The following LAMA3 variants were observed in gnomAD, a reference collection of about 807,000 sequenced individuals.
The protein encoded by LAMA3 is laminin subunit alpha 3, also known as laminin subunit alpha-3.
Under a neutral mutation model 402.0 loss-of-function variants are expected in LAMA3, and 281 were observed. The ratio of observed to expected loss-of-function variants is 0.70; its 90% confidence interval spans 0.63 to 0.77. The LOEUF (loss-of-function observed/expected upper bound fraction) is 0.77, where lower values mean the gene tolerates loss of function less well. Among genes scored for constraint, LAMA3 ranks in the 30% least tolerant of loss-of-function variants. The pLI is 0.00. For missense variants in LAMA3, 3,840 were observed against 4,215.5 expected, an observed-to-expected ratio of 0.91 and a Z score of 2.47; for synonymous variants, 1,431 against 1,558.4, an observed-to-expected ratio of 0.92 and a Z score of 1.93.
chr18:23,825,164 C>A (rs1201474576), intron 21 of LAMA3, among the ~76,000 whole-genome samples: 2 of 152,188 alleles, frequency 1.3e-5, no homozygotes, highest in Non-Finnish European at 2.9e-5. Flanking sequence ...TTATTCCCAC[C>A]AAACAGATTG....
chr18:23,872,536 G>A (rs964208488), intron 38 of LAMA3, among the ~76,000 whole-genome samples: 27 of 152,004 alleles, frequency 1.8e-4, no homozygotes, highest in Non-Finnish European at 5.9e-5. Context: ...CCTGGTAGCC[G>A]AAAACCCCAA....
chr18:23,763,547 T>G, intron 8 of LAMA3, 24 bp downstream of exon 8: 1 of 1,328,782 alleles, frequency 7.5e-7, no homozygotes, highest in East Asian at 2.3e-5. Context: ...TAAATCAAAG[T>G]GGATGTGTTG....
chr18:23,713,135 A>G (rs1484235505), intron 1 of LAMA3, among the ~76,000 whole-genome samples: 1 of 152,210 alleles, frequency 6.6e-6, no homozygotes, highest in Non-Finnish European at 1.5e-5. Context: ...ACCACAGGTA[A>G]AAATGGATCC....
chr18:23,709,688 A>C, intron 1 of LAMA3: 1 of 408,178 alleles, frequency 2.4e-6, no homozygotes, highest in South Asian at 2.1e-5. Context: ...TACTCATGGG[A>C]AGGAAAGAGC....
chr18:23,785,606 A>G lies in LAMA3; in HGVS notation c.1603+1449A>G, dbSNP rs2062528310. 1.3e-5 allele frequency among the ~76,000 whole-genome samples: 2 copies of G among 152,150 alleles called. 1 individual carries two copies. Among genetic ancestry groups the G allele is most frequent in the South Asian group, 4.1e-4 (2 of 4,828 alleles). On this transcript the variant is annotated intron_variant, in intron 12 of 74. Coordinates refer to ENST00000313654, the MANE Select transcript of LAMA3 (RefSeq NM_198129.4). ...ACTTGCACCTTTCTTCTCCTGACCT[A>G]TACTTCCCTCTGCATCATTTTAAGA...
At chr18:23,865,567 G>A (rs2064335851) in intron 36 of LAMA3, among the ~76,000 whole-genome samples, 1 of 152,214 alleles carries the variant, frequency 6.6e-6, no homozygotes, top group Non-Finnish European at 1.5e-5. Context: ...AAAAGGAGGG[G>A]AGATTAGAGA....
At chr18:23,939,587 C>T (rs990577289) in intron 68 of LAMA3, among the ~76,000 whole-genome samples, 3 of 152,224 alleles carry the variant, frequency 2.0e-5, no homozygotes, top group Admixed American at 6.5e-5. Flanking sequence ...TGGAGGCAAA[C>T]GTGACGACAG....
intron 48 of LAMA3, among the ~76,000 whole-genome samples, chr18:23,902,413 A>G (rs2081103284): frequency 6.6e-6 from 1 of 152,190 alleles, no homozygotes; most frequent in Non-Finnish European, 1.5e-5. Context: ...ATTGAATAAC[A>G]CAGGGCAGAC....
At chr18:23,691,772 A>G (rs1031434275) in intron 1 of LAMA3, among the ~76,000 whole-genome samples, 8 of 152,210 alleles carry the variant, frequency 5.3e-5, no homozygotes, top group African/African-American at 1.9e-4. Context: ...AGGTTTTGCC[A>G]TGTTGGCCAG....
chr18:23,704,948 C>T (rs1568095056), intron 1 of LAMA3, among the ~76,000 whole-genome samples: 1 of 152,154 alleles, frequency 6.6e-6, no homozygotes, highest in Non-Finnish European at 1.5e-5. Flanking sequence ...CTGTGGGCTT[C>T]TGGTTTATTC....
At chr18:23,698,202 C>CTTTTTTTTTTTT (rs755879182) in intron 1 of LAMA3, among the ~76,000 whole-genome samples, 2 of 108,858 alleles carry the variant, frequency 1.8e-5, no homozygotes, top group African/African-American at 3.6e-5. Flanking sequence ...TCTTCTTCTT[C>CTTTTTTTTTTTT]TTTTTTTTTT....
At chr18:23,931,454 C>G (rs768028250) in intron 65 of LAMA3, 4 of 450,676 alleles carry the variant, frequency 8.9e-6, no homozygotes, top group African/African-American at 2.0e-5. Flanking sequence ...GCCAAGAGTT[C>G]GAGACCAGTC....
intron 5 of LAMA3, among the ~76,000 whole-genome samples, chr18:23,751,721 C>T (rs1439895506): frequency 1.3e-5 from 2 of 152,164 alleles, no homozygotes; most frequent in Admixed American, 1.3e-4. Context: ...AGCACTAGTA[C>T]CCTCTCCTGT....
chr18:23,814,613 A>G (rs2063140896), intron 15 of LAMA3, 111 bp downstream of exon 15: 1 of 753,482 alleles, frequency 1.3e-6, no homozygotes, highest in Non-Finnish European at 2.4e-6. Flanking sequence ...TCAATTTGAC[A>G]AGATTCTATG....
rs139073012 is a variant in LAMA3 at position 23,930,870 on chromosome 18, A to G, written c.8437-192A>G. On this transcript the variant is annotated intron_variant, in intron 64 of 74. Coordinates refer to ENST00000313654, the MANE Select transcript of LAMA3 (RefSeq NM_198129.4). ...TCATTGGTGTTGACATAATTTGCAT[A>G]AGATTTTTATATTTATAAACATGGA... Among the ~76,000 whole-genome samples the G allele has an allele frequency of 8.5e-5, 13 of 152,378 alleles. No homozygotes were observed. In the East Asian group the frequency reaches 2.3e-3, roughly 27 times the overall value.
intron 2 of LAMA3, among the ~76,000 whole-genome samples, chr18:23,725,670 C>A (rs1212148552): frequency 6.6e-6 from 1 of 152,188 alleles, no homozygotes; most frequent in African/African-American, 2.4e-5. Flanking sequence ...CATCCTGCCT[C>A]CCCAGGACTT....
intron 68 of LAMA3, among the ~76,000 whole-genome samples, chr18:23,942,602 C>T (rs1599160797): frequency 3.7e-5 from 5 of 135,982 alleles, no homozygotes; most frequent in Admixed American, 3.1e-4. Flanking sequence ...TTTTTTTAGA[C>T]AGAGCCGCTG....
chr18:23,766,836 C>CAA (rs753928177), intron 8 of LAMA3, among the ~76,000 whole-genome samples: 18 of 136,852 alleles, frequency 1.3e-4, no homozygotes, highest in Non-Finnish European at 9.4e-5. Flanking sequence ...AAGACTGTCT[C>CAA]AAAGAAAAAA....
chr18:23,714,057 C>A lies in LAMA3; in HGVS notation c.432C>A (p.Thr144=), dbSNP rs746445704. 1.3e-5 allele frequency: 21 copies of A among 1,613,838 alleles called. No homozygotes were observed. Among genetic ancestry groups the A allele is most frequent in the Non-Finnish European group, 1.7e-5 (20 of 1,179,980 alleles). Residue 144 remains threonine (T), a synonymous_variant, in exon 2 of 75, where the codon ACC becomes ACA. Coordinates refer to ENST00000313654, the MANE Select transcript of LAMA3 (RefSeq NM_198129.4). ...SGTQYNRVNL[T]LDLGQLFHVA... ...CACAGTACAACAGAGTCAACCTCAC[C>A]TTGGATCTGGGGCAGGTGAGCTACA...
Sources: allele counts gnomAD v4.1 joint callset (sites outside exome capture counted in the v4.1 genomes callset), GRCh38; gene constraint gnomAD v4.1.1; transcripts MANE v1.5; gene names NCBI Gene and HGNC (gene_info 2026-07-23, HGNC 2026-07-21).